Variants in FAM185A observed in about 807,000 individuals in gnomAD.
FAM185A encodes the protein family with sequence similarity 185 member A.
A neutral mutation model predicts 45.7 loss-of-function variants in FAM185A; 21 were observed. That is an observed-to-expected ratio of 0.46 (90% CI 0.33 to 0.66). The LOEUF (loss-of-function observed/expected upper bound fraction) is 0.66. Among genes scored for constraint, FAM185A ranks in the 30% least tolerant of loss-of-function variants. The probability of loss-of-function intolerance (pLI) is 0.03; values close to 1 mark genes in which losing one functional copy is unlikely to be tolerated. For synonymous variants in FAM185A, 117 were observed against 194.0 expected (o/e 0.60, Z 3.30); for missense variants, 305 against 485.4 (o/e 0.63, Z 3.49).
chr7:102,807,072 A>AT (rs975810748), intron 7 of FAM185A, among the ~76,000 whole-genome samples: 4 of 152,224 alleles, frequency 2.6e-5, no homozygotes, highest in African/African-American at 4.8e-5. Flanking sequence ...AAGAAGACGG[A>AT]TTTTTTTAAA....
intron 5 of FAM185A, among the ~76,000 whole-genome samples, chr7:102,775,399 CA>C (rs904544851): frequency 6.6e-6 from 1 of 151,518 alleles, no homozygotes; most frequent in African/African-American, 2.4e-5. Flanking sequence ...TTGTGTTAAA[CA>C]AAAAAAATAG....
At chr7:102,789,969 T>C (rs1332075546) in intron 7 of FAM185A, among the ~76,000 whole-genome samples, 1 of 152,216 alleles carries the variant, frequency 6.6e-6, no homozygotes, top group Non-Finnish European at 1.5e-5. Context: ...CTTGTCCCAC[T>C]GAAAGGCCTT....
At chr7:102,827,780 G>C in the FAM185A span, among the ~76,000 whole-genome samples, 1 of 151,960 alleles carries the variant, frequency 6.6e-6, no homozygotes, top group South Asian at 2.1e-4. Context: ...TGCAGTGTTT[G>C]GTTTTTTGTC....
At chr7:102,783,296 A>T (rs1255235499) in intron 6 of FAM185A, among the ~76,000 whole-genome samples, 1 of 152,140 alleles carries the variant, frequency 6.6e-6, no homozygotes, top group African/African-American at 2.4e-5. Context: ...TGCACCAAGC[A>T]GACCTAATAG....
chr7:102,787,272 A>G, intron 6 of FAM185A, 63 bp from the exon 7 acceptor site: 1 of 1,207,016 alleles, frequency 8.3e-7, no homozygotes, highest in African/African-American at 1.6e-5. Flanking sequence ...AGTCAAATTT[A>G]TAATAGACTC....
intron 6 of FAM185A, among the ~76,000 whole-genome samples, chr7:102,785,593 T>A (rs1184920861): frequency 4.0e-5 from 6 of 151,112 alleles, no homozygotes; most frequent in Non-Finnish European, 4.5e-5. Context: ...GATTCCCTAT[T>A]TAATAAATGG....
chr7:102,779,063 G>A (rs936806750), intron 6 of FAM185A, among the ~76,000 whole-genome samples: 1 of 152,178 alleles, frequency 6.6e-6, no homozygotes. Context: ...ACCTGAATCT[G>A]AGTACTGACT....
chr7:102,760,602 T>A (rs986479155), intron 3 of FAM185A, among the ~76,000 whole-genome samples: 1 of 152,060 alleles, frequency 6.6e-6, no homozygotes, highest in African/African-American at 2.4e-5. Context: ...TAAAAATATC[T>A]ATAGCAAACA....
chr7:102,791,729 C>T (rs148261832), intron 7 of FAM185A, among the ~76,000 whole-genome samples: 26,793 of 149,812 alleles, frequency 0.18, 1,112 homozygotes, highest in Middle Eastern at 0.27. Flanking sequence ...TAATAATGGA[C>T]CTCAGGTGAA....
intron 7 of FAM185A, among the ~76,000 whole-genome samples, chr7:102,787,672 G>C (rs539825066): frequency 6.6e-6 from 1 of 152,210 alleles, no homozygotes; most frequent in South Asian, 2.1e-4. Context: ...AAATCATTTA[G>C]GAACACTCAT....
At chr7:102,756,329 T>A (rs191617314) in intron 2 of FAM185A, among the ~76,000 whole-genome samples, 1 of 152,198 alleles carries the variant, frequency 6.6e-6, no homozygotes, top group Non-Finnish European at 1.5e-5. Context: ...TAAAGACATA[T>A]ATAATGATTA....
chr7:102,776,538 A>T (rs1795068763), intron 5 of FAM185A, among the ~76,000 whole-genome samples: 1 of 152,032 alleles, frequency 6.6e-6, no homozygotes, highest in Admixed American at 6.6e-5. Flanking sequence ...GAAAAGAACT[A>T]TTAGATATAA....
intron 4 of FAM185A, among the ~76,000 whole-genome samples, chr7:102,764,848 A>G (rs142868000): frequency 0.018 from 2,795 of 152,198 alleles, 172 homozygotes; most frequent in East Asian, 0.17. Context: ...TCCAACATAT[A>G]GATGTTGTAA....
At chr7:102,835,637 T>C in the FAM185A span, among the ~76,000 whole-genome samples, 1 of 98,196 alleles carries the variant, frequency 1.0e-5, no homozygotes, top group African/African-American at 5.0e-5. Flanking sequence ...TGAGACGGAG[T>C]CTCGCTCTGT....
chr7:102,784,938 C>T (rs1275519774), intron 6 of FAM185A, among the ~76,000 whole-genome samples: 52 of 152,274 alleles, frequency 3.4e-4, no homozygotes, highest in East Asian at 1.2e-3. Context: ...AAAACCCCAT[C>T]GTCTCAGCCC....
Position 102,806,625 on chromosome 7 carries a change from TTC to T in FAM185A, c.1067-1663_1067-1662del, listed in dbSNP as rs143811395. Among the ~76,000 whole-genome samples the T allele has an allele frequency of 6.6e-3, 1,006 of 152,332 alleles. 9 individuals are homozygous for T. Among genetic ancestry groups the T allele is most frequent in the African/African-American group, 0.023 (951 of 41,564 alleles). On this transcript the variant is annotated intron_variant, in intron 7 of 7. Coordinates refer to ENST00000413034, the MANE Select transcript of FAM185A (RefSeq NM_001145268.2). ...CACAGGCCCTTACAAGCGGTCCCTG[TTC>T]TGTCTCAATTTGACTGGTTTCTTAA...
intron 4 of FAM185A, among the ~76,000 whole-genome samples, chr7:102,766,141 C>T (rs1265737993): frequency 1.3e-5 from 2 of 152,388 alleles, no homozygotes; most frequent in African/African-American, 4.8e-5. Flanking sequence ...TTATTTATAA[C>T]CCATGATTTA....
the FAM185A span, among the ~76,000 whole-genome samples, chr7:102,831,546 A>G: frequency 2.0e-5 from 3 of 152,180 alleles, no homozygotes; most frequent in Non-Finnish European, 2.9e-5. Flanking sequence ...ACAGTTGCCC[A>G]GATTTATGGA....
At chr7:102,786,884 G>A (rs1031431697) in intron 6 of FAM185A, among the ~76,000 whole-genome samples, 1 of 150,904 alleles carries the variant, frequency 6.6e-6, no homozygotes, top group Non-Finnish European at 1.5e-5. Context: ...GTTCCAGCAC[G>A]AGCACTAGTG....
Sources: allele counts gnomAD v4.1 joint callset (sites outside exome capture counted in the v4.1 genomes callset), GRCh38; gene constraint gnomAD v4.1.1; transcripts MANE v1.5; gene names NCBI Gene and HGNC (gene_info 2026-07-23, HGNC 2026-07-21).